The following PCYOX1 variants were observed in gnomAD, a reference collection of about 807,000 sequenced individuals.
PCYOX1 encodes the protein prenylcysteine oxidase 1.
A neutral mutation model predicts 46.4 loss-of-function variants in PCYOX1; 46 were observed. The observed-to-expected ratio is 0.99, with a 90% confidence interval of 0.78 to 1.27. PCYOX1 has a LOEUF of 1.27. Ranked by LOEUF, PCYOX1 falls within the 50% of genes most tolerant of loss-of-function variation. The probability of loss-of-function intolerance (pLI) is 0.00; values close to 1 mark genes in which losing one functional copy is unlikely to be tolerated. For synonymous variants in PCYOX1, 220 were observed against 231.8 expected, an observed-to-expected ratio of 0.95 and a Z score of 0.46; for missense variants, 658 against 628.3, an observed-to-expected ratio of 1.05 and a Z score of -0.51.
intron 5 of PCYOX1, among the ~76,000 whole-genome samples, chr2:70,275,914 C>T (rs1696664678): frequency 6.6e-6 from 1 of 151,876 alleles, no homozygotes; most frequent in Admixed American, 6.6e-5. Context: ...GCCTGGCCAA[C>T]ATAGTTAAAC....
intron 3 of PCYOX1, among the ~76,000 whole-genome samples, chr2:70,265,836 G>A (rs1696514867): frequency 6.6e-6 from 1 of 152,132 alleles, no homozygotes; most frequent in African/African-American, 2.4e-5. Context: ...CACAGGGAAA[G>A]GCTTTATAAA....
chr2:70,261,365 A>G lies in PCYOX1; in HGVS notation c.473A>G (p.Asp158Gly). The G allele has an allele frequency of 6.2e-7, 1 of 1,611,720 alleles. No individual in the cohort carries two copies. ...CTCCGTATGCACATGTGGGTAGAGG[A>G]CGTGTTAGACAAGTTCATGAGGTAA... ...QSLRMHMWVE[D>G]VLDKFMRIYR... The change falls in exon 3 of 6, where the codon GAC (aspartate) becomes GGC (glycine). Residue 158 changes from aspartate (D) to glycine (G), a missense_variant. Asp to Gly is a moderately conservative substitution (Grantham distance 94). Coordinates refer to ENST00000433351, the MANE Select transcript of PCYOX1 (RefSeq NM_016297.4).
chr2:70,270,342 T>G (rs1465881706), intron 3 of PCYOX1, among the ~76,000 whole-genome samples: 1 of 152,120 alleles, frequency 6.6e-6, no homozygotes, highest in African/African-American at 2.4e-5. Context: ...AAGGCTTTGG[T>G]TTATCTGCAG....
Position 70,259,425 on chromosome 2 carries a change from G to T in PCYOX1, c.178G>T (p.Asp60Tyr), listed in dbSNP as rs1044797094. The T allele has an allele frequency of 6.2e-7, 1 of 1,614,182 alleles. No homozygotes were observed. The change falls in exon 2 of 6, where the codon GAT becomes TAT. Residue 60 changes from aspartate (D) to tyrosine (Y), a missense_variant. Physicochemically the swap from Asp to Tyr is radical, Grantham distance 160. Transcript: ENST00000433351. ...TTACCTGCGGCAGAAATTTGGGAAA[G>T]ATGTGAAGATAGACCTGTTTGAAAG... is the stretch of plus-strand genomic sequence containing the variant. ...AYYLRQKFGK[D>Y]VKIDLFEREE... is the part of the protein sequence containing the mutation.
Position 70,280,296 on chromosome 2 carries a change from T to C in PCYOX1, c.*2904T>C, listed in dbSNP as rs1298656053. 6.6e-6 allele frequency: 1 copy of C among 152,100 alleles called. No homozygotes were observed. The highest frequency in any genetic ancestry group is 1.5e-5 in the Non-Finnish European group (1 of 68,034). 9.4% of individuals were successfully genotyped at this position (152,100 alleles called of 1,614,324 possible). On this transcript the variant is annotated 3_prime_UTR_variant, in exon 6 of 6. Coordinates refer to ENST00000433351, the MANE Select transcript of PCYOX1 (RefSeq NM_016297.4). ...CTGCTACTCTGGGCGCATTAGGTAG[T>C]TTTATGCAACTATAGTATTAAGAGT... is the stretch of plus-strand genomic sequence containing the variant.
In PCYOX1 at chr2:70,258,506, G is replaced by A. The variant is rs1696381850; in HGVS notation, c.112+230G>A. 3 of 348,062 alleles carry A rather than the reference G, an allele frequency of 8.6e-6. No homozygotes were observed. The South Asian group carries it at 1.1e-4, about 13-fold the overall frequency. 21.6% of individuals were successfully genotyped at this position (348,062 alleles called of 1,614,324 possible). A position where few individuals can be genotyped will look rare whatever the true frequency, so the allele number is the denominator to read the frequency against. ...AGAGGTGCCCACTTGAGGAATGGGC[G>A]TGGACGGGGACAGGGGCGGGCGGGC... On this transcript the variant is annotated intron_variant, in intron 1 of 5. Coordinates refer to ENST00000433351, the MANE Select transcript of PCYOX1 (RefSeq NM_016297.4).
chr2:70,259,357 T>C lies in PCYOX1; in HGVS notation c.113-3T>C. On this transcript the variant is annotated splice_polypyrimidine_tract_variant and splice_region_variant and intron_variant, in intron 1 of 5. Transcript: ENST00000433351. Reference sequence around the variant, plus strand: ...TATAATCTTCTGTTTTTTTCCCTCATAGCGATTATTGGAGCCGGAATTGGT... The same window carrying C: ...TATAATCTTCTGTTTTTTTCCCTCACAGCGATTATTGGAGCCGGAATTGGT... 5 of 1,612,828 alleles carry C rather than the reference T, an allele frequency of 3.1e-6. No homozygotes were observed. Among genetic ancestry groups the C allele is most frequent in the Non-Finnish European group, 4.2e-6 (5 of 1,178,934 alleles).
chr2:70,277,441 C>T lies in PCYOX1; in HGVS notation c.*49C>T, dbSNP rs1167280265. 7.3e-7 allele frequency: 1 copy of T among 1,375,394 alleles called. No individual in the cohort carries two copies. Among genetic ancestry groups the T allele is most frequent in the Non-Finnish European group, 1.0e-6 (1 of 1,000,844 alleles). 85.2% of individuals were successfully genotyped at this position (1,375,394 alleles called of 1,614,324 possible). On this transcript the variant is annotated 3_prime_UTR_variant, in exon 6 of 6. Coordinates refer to ENST00000433351, the MANE Select transcript of PCYOX1 (RefSeq NM_016297.4). ...CCTAGTTCCAAATGACTATCAGTGG[C>T]AAAAAAGAACAAAATCTGAGCAGAG...
Position 70,277,570 on chromosome 2 carries a change from A to C in PCYOX1, c.*178A>C. 1.8e-6 allele frequency: 1 copy of C among 549,506 alleles called. No homozygotes were observed. Among genetic ancestry groups the C allele is most frequent in the Non-Finnish European group, 3.2e-6 (1 of 313,418 alleles). The allele number at this position is 549,506 out of a possible 1,614,324, so 34.0% of individuals were successfully genotyped here. Reference sequence around the variant, plus strand: ...TCTAATTAAGTGTGAAGGTATAGCTATTGCACTTATGCCATCTCCAAAATT... The same window carrying C: ...TCTAATTAAGTGTGAAGGTATAGCTCTTGCACTTATGCCATCTCCAAAATT... On this transcript the variant is annotated 3_prime_UTR_variant, in exon 6 of 6. Transcript: ENST00000433351.
intron 3 of PCYOX1, among the ~76,000 whole-genome samples, chr2:70,266,995 G>A (rs1696532971): frequency 6.6e-6 from 1 of 152,050 alleles, no homozygotes; most frequent in South Asian, 2.1e-4. Context: ...TCCCAGACGG[G>A]GTGGCGGCTG....
rs968060308 is a variant in PCYOX1 at position 70,279,212 on chromosome 2, C to T, written c.*1820C>T. 2.0e-5 allele frequency: 3 copies of T among 152,018 alleles called. No individual in the cohort carries two copies. Among genetic ancestry groups the T allele is most frequent in the African/African-American group, 7.2e-5 (3 of 41,408 alleles). The allele number at this position is 152,018 out of a possible 1,614,324, so 9.4% of individuals were successfully genotyped here. On this transcript the variant is annotated 3_prime_UTR_variant, in exon 6 of 6. Transcript: ENST00000433351. ...TGAGTAAAAATGACTTCTTCCCTACCACAGTTGTGAATGTTAATATGCTGA... is the reference window on the plus strand; with the variant it reads ...TGAGTAAAAATGACTTCTTCCCTACTACAGTTGTGAATGTTAATATGCTGA...
At chr2:70,267,577 C>T (rs1418175319) in intron 3 of PCYOX1, among the ~76,000 whole-genome samples, 1 of 152,152 alleles carries the variant, frequency 6.6e-6, no homozygotes, top group Non-Finnish European at 1.5e-5. Flanking sequence ...CACTCATGGT[C>T]AGGAACTGGA....
chr2:70,266,461 CTT>C (rs1282041068), intron 3 of PCYOX1, among the ~76,000 whole-genome samples: 5 of 146,398 alleles, frequency 3.4e-5, no homozygotes, highest in Admixed American at 6.8e-5. Flanking sequence ...AAGATTATAA[CTT>C]TTTTTTTTTT....
chr2:70,266,597 G>A (rs978369528), intron 3 of PCYOX1, among the ~76,000 whole-genome samples: 1 of 152,010 alleles, frequency 6.6e-6, no homozygotes, highest in Non-Finnish European at 1.5e-5. Context: ...GTTTTCCTAG[G>A]CAGAGGGCCC....
intron 3 of PCYOX1, 63 bp from the exon 4 acceptor site, chr2:70,274,896 C>CT: frequency 9.7e-7 from 1 of 1,032,154 alleles, no homozygotes; most frequent in South Asian, 1.3e-5. Flanking sequence ...CACTTCCCTT[C>CT]TTTATACATC....
At chr2:70,258,318 C>T (rs773995440) in intron 1 of PCYOX1, 42 bp downstream of exon 1, 11 of 1,363,760 alleles carry the variant, frequency 8.1e-6, no homozygotes, top group Non-Finnish European at 1.1e-5. Context: ...CTGGAGCGCG[C>T]CCCGCGCCGG....
At position 70,265,480 on chromosome 2, in the gene PCYOX1, C is replaced by G. The variant is rs192303160; in HGVS notation, c.494+4094C>G. ...TGTTGGGATTACAGGCGTGAGCCAC[C>G]GCGCTCAGCCGGATGCCATTCTTTA... On this transcript the variant is annotated intron_variant, in intron 3 of 5. Coordinates refer to ENST00000433351, the MANE Select transcript of PCYOX1 (RefSeq NM_016297.4). 9.6e-4 allele frequency among the ~76,000 whole-genome samples: 146 copies of G among 152,210 alleles called. 1 individual carries two copies. The highest frequency in any genetic ancestry group is 3.3e-3 in the African/African-American group (138 of 41,556).
chr2:70,267,553 C>T (rs952155889), intron 3 of PCYOX1, among the ~76,000 whole-genome samples: 39 of 152,094 alleles, frequency 2.6e-4, no homozygotes, highest in Non-Finnish European at 4.3e-4. Flanking sequence ...CTCGGGAGGC[C>T]GAGGCTGGCA....
chr2:70,267,659 C>T (rs949359832), intron 3 of PCYOX1, among the ~76,000 whole-genome samples: 16 of 152,076 alleles, frequency 1.1e-4, no homozygotes, highest in African/African-American at 2.9e-4. Flanking sequence ...CGTGGCGGCG[C>T]GCGCCTGCAA....
Sources: gnomAD v4.1 joint callset for allele counts (sites outside exome capture counted in the v4.1 genomes callset) on GRCh38, gnomAD v4.1.1 for gene constraint, MANE v1.5 for transcripts, NCBI Gene and HGNC (gene_info 2026-07-23, HGNC 2026-07-21) for gene names.